PDGFC: variants seen among roughly 807,000 people sequenced by gnomAD.
PDGFC encodes the protein platelet-derived growth factor C.
In PDGFC, 12 loss-of-function variants were observed where a neutral mutation model predicts 35.5. That is an observed-to-expected ratio of 0.34 (90% CI 0.22 to 0.55). The LOEUF (loss-of-function observed/expected upper bound fraction) is 0.55. Among genes scored for constraint, PDGFC ranks in the 20% least tolerant of loss-of-function variants. The pLI, the probability that PDGFC is intolerant of heterozygous loss-of-function variation, is 0.91. For synonymous variants in PDGFC, 159 were observed against 148.8 expected (o/e 1.07, Z -0.50); for missense variants, 322 against 412.4 (o/e 0.78, Z 1.90).
At chr4:156,819,623 C>G (rs1291589863) in intron 2 of PDGFC, among the ~76,000 whole-genome samples, 2 of 152,184 alleles carry the variant, frequency 1.3e-5, no homozygotes, top group Non-Finnish European at 2.9e-5. Flanking sequence ...TCCACCTGGT[C>G]ACCCAAGAGC....
intron 2 of PDGFC, among the ~76,000 whole-genome samples, chr4:156,849,910 G>T (rs2974254): frequency 0.31 from 46,355 of 151,854 alleles, 9,970 homozygotes; most frequent in African/African-American, 0.6. Flanking sequence ...CACAACTACA[G>T]TCCTTTATAC....
chr4:156,891,305 AAAAAAAAAAAAAAAAAAAAAG>A (rs1560859844), intron 1 of PDGFC, among the ~76,000 whole-genome samples: 20 of 89,608 alleles, frequency 2.2e-4, no homozygotes, highest in African/African-American at 5.3e-4. Context: ...AAAAAAAAAA[AAAAAAAAAAAAAAAAAAAAAG>A]GAAAAATACA....
chr4:156,829,899 G>C (rs894804356), intron 2 of PDGFC, among the ~76,000 whole-genome samples: 2 of 151,774 alleles, frequency 1.3e-5, no homozygotes, highest in Non-Finnish European at 2.9e-5. Context: ...TAATCTTATA[G>C]ACAACAAAAA....
At chr4:156,901,410 CA>C (rs1730779497) in intron 1 of PDGFC, among the ~76,000 whole-genome samples, 2 of 151,982 alleles carry the variant, frequency 1.3e-5, no homozygotes, top group Admixed American at 1.3e-4. Context: ...TCAGGGATAC[CA>C]TCAGGGACAC....
chr4:156,892,689 A>C (rs550717227), intron 1 of PDGFC, among the ~76,000 whole-genome samples: 3 of 152,250 alleles, frequency 2.0e-5, no homozygotes, highest in Non-Finnish European at 2.9e-5. Flanking sequence ...TACTAGAGGA[A>C]TTCCATAAAA....
chr4:156,921,826 A>T (rs1481885199), intron 1 of PDGFC, among the ~76,000 whole-genome samples: 5 of 152,146 alleles, frequency 3.3e-5, no homozygotes, highest in Admixed American at 3.3e-4. Context: ...TTTCCCCCAC[A>T]TATTAGCTGC....
At chr4:156,851,155 G>C (rs895622009) in intron 1 of PDGFC, among the ~76,000 whole-genome samples, 3 of 152,166 alleles carry the variant, frequency 2.0e-5, no homozygotes, top group Non-Finnish European at 4.4e-5. Context: ...TGCAATACAA[G>C]TTCAGAGCTT....
At chr4:156,917,679 T>C (rs182034584) in intron 1 of PDGFC, among the ~76,000 whole-genome samples, 32 of 152,362 alleles carry the variant, frequency 2.1e-4, no homozygotes, top group African/African-American at 7.7e-4. Context: ...TGGTGAAATA[T>C]TTATTTTGCA....
intron 1 of PDGFC, among the ~76,000 whole-genome samples, chr4:156,902,677 C>T (rs1730818027): frequency 6.6e-6 from 1 of 152,142 alleles, no homozygotes; most frequent in Admixed American, 6.5e-5. Flanking sequence ...CCACAGTTTA[C>T]TCATACAATT....
intron 3 of PDGFC, among the ~76,000 whole-genome samples, chr4:156,794,570 C>T (rs918462375): frequency 3.3e-5 from 5 of 151,672 alleles, no homozygotes; most frequent in African/African-American, 7.3e-5. Context: ...TCTGCTTTTC[C>T]TTTACTTTGG....
At chr4:156,830,533 A>T (rs1366813667) in intron 2 of PDGFC, among the ~76,000 whole-genome samples, 1 of 152,110 alleles carries the variant, frequency 6.6e-6, no homozygotes, top group Non-Finnish European at 1.5e-5. Context: ...TCACTTGTGG[A>T]CCTCAACCTG....
At chr4:156,869,685 A>G (rs1363804711) in intron 1 of PDGFC, among the ~76,000 whole-genome samples, 1 of 152,178 alleles carries the variant, frequency 6.6e-6, no homozygotes, top group Admixed American at 6.5e-5. Flanking sequence ...CTATAATAAA[A>G]TGAATACTGA....
intron 2 of PDGFC, among the ~76,000 whole-genome samples, chr4:156,843,686 A>T (rs1371465215): frequency 6.6e-6 from 1 of 152,154 alleles, no homozygotes; most frequent in African/African-American, 2.4e-5. Flanking sequence ...GAAATTGTGA[A>T]TTACAGTCCA....
chr4:156,960,271 T>TATATATATATATATATATATATAA (rs1560891888), intron 1 of PDGFC, among the ~76,000 whole-genome samples: 2 of 147,818 alleles, frequency 1.4e-5, no homozygotes, highest in African/African-American at 4.9e-5. Flanking sequence ...TATATATATA[T>TATATATATATATATATATATATAA]ATAAAACTAT....
intron 1 of PDGFC, among the ~76,000 whole-genome samples, chr4:156,962,034 C>T (rs1316151715): frequency 2.6e-5 from 4 of 152,126 alleles, no homozygotes; most frequent in African/African-American, 7.2e-5. Flanking sequence ...AAATCTGTCA[C>T]TGCCTGCCTG....
At chr4:156,852,090 T>C (rs1182885607) in intron 1 of PDGFC, among the ~76,000 whole-genome samples, 2 of 152,150 alleles carry the variant, frequency 1.3e-5, no homozygotes, top group Non-Finnish European at 2.9e-5. Context: ...AGACTGGACA[T>C]TGAACACATG....
At chr4:156,888,355 T>C (rs571323285) in intron 1 of PDGFC, among the ~76,000 whole-genome samples, 1 of 152,220 alleles carries the variant, frequency 6.6e-6, no homozygotes, top group Non-Finnish European at 1.5e-5. Context: ...CACTATACAA[T>C]GTTCAATAAT....
chr4:156,871,501 T>A (rs1192830617), intron 1 of PDGFC, among the ~76,000 whole-genome samples: 1 of 152,106 alleles, frequency 6.6e-6, no homozygotes, highest in East Asian at 1.9e-4. Flanking sequence ...ATGGGTCATG[T>A]GTAAAAGACC....
chr4:156,786,029 C>T (rs1464249213), intron 3 of PDGFC, among the ~76,000 whole-genome samples: 2 of 152,066 alleles, frequency 1.3e-5, no homozygotes, highest in Non-Finnish European at 2.9e-5. Flanking sequence ...ATTTCAGATA[C>T]GGTACTGTGA....
Sources: gnomAD v4.1 joint callset for allele counts (sites outside exome capture counted in the v4.1 genomes callset) on GRCh38, gnomAD v4.1.1 for gene constraint, MANE v1.5 for transcripts, NCBI Gene and HGNC (gene_info 2026-07-23, HGNC 2026-07-21) for gene names.